SYT17: variants seen among roughly 807,000 people sequenced by gnomAD.
The protein encoded by SYT17 is synaptotagmin 17, also known as synaptotagmin-17.
SYT17 carries 22 observed loss-of-function variants against 46.7 expected under a neutral mutation model. The observed-to-expected ratio is 0.47, with a 90% CI of 0.34 to 0.67. The LOEUF (loss-of-function observed/expected upper bound fraction) is 0.67. Ranked by LOEUF, SYT17 falls within the 30% of genes least tolerant of loss-of-function variation. The probability of loss-of-function intolerance (pLI) is 0.01; values close to 1 mark genes in which losing one functional copy is unlikely to be tolerated. For missense variants in SYT17, 519 were observed against 612.8 expected, an observed-to-expected ratio of 0.85 and a Z score of 1.62; for synonymous variants, 251 against 248.4, an observed-to-expected ratio of 1.01 and a Z score of -0.10.
intron 7 of SYT17, among the ~76,000 whole-genome samples, chr16:19,257,964 TTC>T (rs1184836198): frequency 2.0e-5 from 3 of 151,948 alleles, no homozygotes; most frequent in Admixed American, 1.3e-4. Flanking sequence ...TTTTTTTTTT[TTC>T]CTTTTAATTT....
At chr16:19,210,816 C>T (rs1965871809) in intron 5 of SYT17, among the ~76,000 whole-genome samples, 2 of 152,178 alleles carry the variant, frequency 1.3e-5, no homozygotes, top group South Asian at 2.1e-4. Flanking sequence ...TTGGGCTTCA[C>T]TAAAATTTGT....
chr16:19,267,084 A>T lies in SYT17; in HGVS notation c.*8A>T. On this transcript the variant is annotated 3_prime_UTR_variant, in exon 8 of 8. Transcript: ENST00000355377. ...TCCCTGGAGGTGACCTGAGGGCTGC[A>T]GGGAAGGCAGCTTTCATTTGTTTAA... is the stretch of plus-strand genomic sequence containing the variant. 1 of 1,544,006 alleles carries T rather than the reference A, an allele frequency of 6.5e-7. No homozygotes were observed. The highest frequency in any genetic ancestry group is 8.7e-7 in the Non-Finnish European group (1 of 1,148,564).
chr16:19,254,046 T>C (rs927644797), intron 7 of SYT17, among the ~76,000 whole-genome samples: 10 of 152,152 alleles, frequency 6.6e-5, no homozygotes, highest in Admixed American at 1.3e-4. Flanking sequence ...AATTCTTTAT[T>C]TGTTCTTTTC....
intron 7 of SYT17, among the ~76,000 whole-genome samples, chr16:19,239,282 TAATTA>T (rs562707872): frequency 0.01 from 1,568 of 151,666 alleles, 22 homozygotes; most frequent in African/African-American, 0.035. Flanking sequence ...GTCTCAAAAT[TAATTA>T]ATTAATTAAT....
chr16:19,191,582 T>TA (rs1337161532), intron 5 of SYT17, among the ~76,000 whole-genome samples: 1 of 152,208 alleles, frequency 6.6e-6, no homozygotes, highest in African/African-American at 2.4e-5. Context: ...CTGAATGGAC[T>TA]AAGACAGTGA....
At chr16:19,263,901 G>A (rs187140495) in intron 7 of SYT17, among the ~76,000 whole-genome samples, 16 of 152,272 alleles carry the variant, frequency 1.1e-4, no homozygotes, top group Admixed American at 3.3e-4. Context: ...AGCTGCTGTG[G>A]TCTGAATAGT....
At chr16:19,225,104 T>G (rs1485647438) in intron 7 of SYT17, among the ~76,000 whole-genome samples, 1 of 152,180 alleles carries the variant, frequency 6.6e-6, no homozygotes, top group Non-Finnish European at 1.5e-5. Flanking sequence ...TTAACTCCTC[T>G]GAGCTTCAGT....
intron 5 of SYT17, among the ~76,000 whole-genome samples, chr16:19,199,952 C>T (rs11649529): frequency 0.16 from 24,573 of 152,218 alleles, 2,117 homozygotes; most frequent in African/African-American, 0.2. Flanking sequence ...CCACAACAAC[C>T]ATATGATTGG....
chr16:19,244,522 T>TGGGGG (rs5816040), intron 7 of SYT17, among the ~76,000 whole-genome samples: 28 of 152,080 alleles, frequency 1.8e-4, no homozygotes, highest in African/African-American at 6.0e-4. Context: ...TTTGTAGAGA[T>TGGGGG]GGGGGTCTCA....
chr16:19,195,185 G>A (rs949169105), intron 5 of SYT17, among the ~76,000 whole-genome samples: 3 of 152,162 alleles, frequency 2.0e-5, no homozygotes, highest in African/African-American at 7.2e-5. Context: ...ATTCTGCTAA[G>A]TGCTTTTATT....
At chr16:19,201,758 C>G (rs947489267) in intron 5 of SYT17, among the ~76,000 whole-genome samples, 1 of 150,886 alleles carries the variant, frequency 6.6e-6, no homozygotes, top group Non-Finnish European at 1.5e-5. Context: ...GCTTTAAAAT[C>G]TGACAGACCC....
chr16:19,202,590 C>T (rs1965508477), intron 5 of SYT17, among the ~76,000 whole-genome samples: 1 of 152,216 alleles, frequency 6.6e-6, no homozygotes, highest in Admixed American at 6.5e-5. Flanking sequence ...CAGCCCCTCC[C>T]CTCCCTGGAG....
chr16:19,241,151 T>A (rs1352834267), intron 7 of SYT17, among the ~76,000 whole-genome samples: 2 of 151,284 alleles, frequency 1.3e-5, no homozygotes, highest in Non-Finnish European at 3.0e-5. Flanking sequence ...GTTTCACCGT[T>A]TTAGCCGGGA....
intron 5 of SYT17, among the ~76,000 whole-genome samples, chr16:19,192,614 A>G (rs1288761827): frequency 6.6e-6 from 1 of 152,172 alleles, no homozygotes; most frequent in Non-Finnish European, 1.5e-5. Context: ...GCAAAAGACA[A>G]GAAGTACCGG....
intron 7 of SYT17, among the ~76,000 whole-genome samples, chr16:19,249,345 G>C (rs1047628676): frequency 1.2e-4 from 18 of 151,752 alleles, no homozygotes; most frequent in African/African-American, 3.9e-4. Context: ...CAGCAGGCAA[G>C]GTACTACTAC....
At chr16:19,242,487 G>T (rs1381496626) in intron 7 of SYT17, among the ~76,000 whole-genome samples, 1 of 152,106 alleles carries the variant, frequency 6.6e-6, no homozygotes, top group African/African-American at 2.4e-5. Flanking sequence ...AATTAGCAGA[G>T]ACTATAGCAA....
chr16:19,222,459 G>A (rs12925834), intron 5 of SYT17, among the ~76,000 whole-genome samples: 15,207 of 152,190 alleles, frequency 0.1, 843 homozygotes, highest in Non-Finnish European at 0.12. Flanking sequence ...TCACTGTGCC[G>A]AGTGTTGCTA....
intron 7 of SYT17, among the ~76,000 whole-genome samples, chr16:19,234,306 A>G (rs927455226): frequency 2.6e-5 from 4 of 152,092 alleles, no homozygotes; most frequent in Admixed American, 6.5e-5. Context: ...AGCCTGGGGG[A>G]CAGTATGAGA....
chr16:19,239,747 C>T (rs1020439629), intron 7 of SYT17, among the ~76,000 whole-genome samples: 1 of 152,216 alleles, frequency 6.6e-6, no homozygotes. Flanking sequence ...TGAGTTTTGC[C>T]TGGACCCACT....
Sources: allele counts gnomAD v4.1 joint callset (sites outside exome capture counted in the v4.1 genomes callset), GRCh38; gene constraint gnomAD v4.1.1; transcripts MANE v1.5; gene names NCBI Gene and HGNC (gene_info 2026-07-23, HGNC 2026-07-21).